Variants in PTPRM observed in about 807,000 individuals in gnomAD.
PTPRM encodes the protein receptor-type tyrosine-protein phosphatase mu.
Under a neutral mutation model 186.7 loss-of-function variants are expected in PTPRM, and 47 were observed. The ratio of observed to expected loss-of-function variants is 0.25; its 90% confidence interval spans 0.20 to 0.32. The LOEUF is 0.32. Ranked by LOEUF, PTPRM falls within the 10% of genes least tolerant of loss-of-function variation. The pLI, the probability that PTPRM is intolerant of heterozygous loss-of-function variation, is 1.00. For missense variants in PTPRM, 1,494 were observed against 1,865.0 expected, an observed-to-expected ratio of 0.80 and a Z score of 3.66; for synonymous variants, 668 against 674.9, an observed-to-expected ratio of 0.99 and a Z score of 0.16.
At chr18:7,808,957 T>C (rs1216954766) in intron 2 of PTPRM, among the ~76,000 whole-genome samples, 2 of 152,180 alleles carry the variant, frequency 1.3e-5, no homozygotes, top group African/African-American at 2.4e-5. Context: ...TTCCAGATTT[T>C]AACAACAACA....
At position 8,306,502 on chromosome 18, in the gene PTPRM, T is replaced by C. The variant is rs115770264; in HGVS notation, c.2843-8279T>C. 6.4e-3 allele frequency among the ~76,000 whole-genome samples: 980 copies of C among 152,306 alleles called. 6 individuals are homozygous for C. The highest frequency in any genetic ancestry group is 0.02 in the African/African-American group (848 of 41,576). Reference sequence around the variant, plus strand: ...CTGGCAGAGAAATACAGATGGTAATTAAAAACTACAGCTCAGGTCTTCTCA... The same window carrying C: ...CTGGCAGAGAAATACAGATGGTAATCAAAAACTACAGCTCAGGTCTTCTCA... On this transcript the variant is annotated intron_variant, in intron 20 of 32. Coordinates refer to ENST00000580170, the MANE Select transcript of PTPRM (RefSeq NM_001105244.2).
At chr18:7,837,703 A>G (rs2046122001) in intron 2 of PTPRM, among the ~76,000 whole-genome samples, 1 of 152,174 alleles carries the variant, frequency 6.6e-6, no homozygotes, top group South Asian at 2.1e-4. Context: ...TCAGCCTCCC[A>G]AAGTGCTAGG....
chr18:8,286,190 G>A (rs1236525042), intron 19 of PTPRM, among the ~76,000 whole-genome samples: 1 of 152,074 alleles, frequency 6.6e-6, no homozygotes, highest in Admixed American at 6.6e-5. Flanking sequence ...TTGCCTCTAG[G>A]GATTCTCATT....
At chr18:7,601,046 A>C (rs1450884110) in intron 1 of PTPRM, among the ~76,000 whole-genome samples, 1 of 152,194 alleles carries the variant, frequency 6.6e-6, no homozygotes, top group Non-Finnish European at 1.5e-5. Flanking sequence ...CTGTTGGTTC[A>C]AGATCCTGCA....
intron 31 of PTPRM, among the ~76,000 whole-genome samples, chr18:8,392,693 C>T (rs755599904): frequency 3.3e-5 from 5 of 151,432 alleles, no homozygotes; most frequent in Admixed American, 6.6e-5. Context: ...AGGGATAGTG[C>T]GGGATGAGCC....
At chr18:8,156,120 G>C (rs1042686364) in intron 14 of PTPRM, among the ~76,000 whole-genome samples, 2 of 152,186 alleles carry the variant, frequency 1.3e-5, no homozygotes, top group African/African-American at 4.8e-5. Flanking sequence ...GAATAGGGTT[G>C]AGGTACAAGG....
chr18:8,213,030 G>T (rs538667916), intron 14 of PTPRM, among the ~76,000 whole-genome samples: 1 of 152,208 alleles, frequency 6.6e-6, no homozygotes, highest in African/African-American at 2.4e-5. Context: ...GTTTAGTCTG[G>T]GTTCCTGCCA....
chr18:8,229,822 G>GTT (rs1006480497), intron 14 of PTPRM, among the ~76,000 whole-genome samples: 4 of 152,068 alleles, frequency 2.6e-5, no homozygotes, highest in Non-Finnish European at 1.5e-5. Flanking sequence ...AGTACACATG[G>GTT]TTATATATAT....
At chr18:7,937,105 C>A (rs758265649) in intron 5 of PTPRM, among the ~76,000 whole-genome samples, 39 of 152,190 alleles carry the variant, frequency 2.6e-4, no homozygotes, top group Non-Finnish European at 1.9e-4. Context: ...GTCTGCATAC[C>A]TCATTCTTCC....
At chr18:8,235,875 A>G (rs1601390367) in intron 14 of PTPRM, among the ~76,000 whole-genome samples, 1 of 151,734 alleles carries the variant, frequency 6.6e-6, no homozygotes, top group East Asian at 1.9e-4. Context: ...AGTATTAGGG[A>G]TTTTTCCAGC....
intron 3 of PTPRM, among the ~76,000 whole-genome samples, chr18:7,897,475 G>A (rs924808798): frequency 9.2e-5 from 14 of 152,052 alleles, no homozygotes; most frequent in Non-Finnish European, 1.8e-4. Context: ...AGTAGGTGCC[G>A]CAATACTCTG....
chr18:7,849,723 G>C (rs905553299), intron 2 of PTPRM, among the ~76,000 whole-genome samples: 1 of 152,200 alleles, frequency 6.6e-6, no homozygotes, highest in African/African-American at 2.4e-5. Flanking sequence ...GAATGGACCA[G>C]TTGTGCTGCA....
At chr18:8,364,143 C>T (rs1304415226) in intron 23 of PTPRM, among the ~76,000 whole-genome samples, 1 of 152,162 alleles carries the variant, frequency 6.6e-6, no homozygotes, top group African/African-American at 2.4e-5. Context: ...GAAGGTCCCC[C>T]TTCCAAATAA....
chr18:7,733,520 A>G (rs779867684), intron 1 of PTPRM, among the ~76,000 whole-genome samples: 2 of 152,082 alleles, frequency 1.3e-5, no homozygotes, highest in African/African-American at 2.4e-5. Flanking sequence ...AGTCTTTGCT[A>G]TTGTAAATAG....
Position 8,372,056 on chromosome 18 carries a change from C to CTTTTTTTTTT in PTPRM, c.3171+1067_3171+1076dup, listed in dbSNP as rs557766971. 6.8e-5 allele frequency among the ~76,000 whole-genome samples: 4 copies of CTTTTTTTTTT among 59,068 alleles called. 1 individual carries two copies. The highest frequency in any genetic ancestry group is 1.5e-4 in the Non-Finnish European group (4 of 26,310). 38.8% of individuals were successfully genotyped at this position (59,068 alleles called of 152,430 possible). A position where few individuals can be genotyped will look rare whatever the true frequency, so the allele number is the denominator to read the frequency against. On this transcript the variant is annotated intron_variant, in intron 24 of 32. Coordinates refer to ENST00000580170, the MANE Select transcript of PTPRM (RefSeq NM_001105244.2). Reference sequence around the variant, plus strand: ...TTGGCCTTCCTCTCCACTCTATATTCTTTTTTTTTTTTTTTTTTTTTTTTT... The same window carrying CTTTTTTTTTT: ...TTGGCCTTCCTCTCCACTCTATATTCTTTTTTTTTTTTTTTTTTTTTTTTTTTTTTTTTTT...
In PTPRM at chr18:7,820,118, C is replaced by G. The variant is rs182804550; in HGVS notation, c.196+45847C>G. Reference sequence around the variant, plus strand: ...GGGAAAGACATGGAGGGGTCTCTTACAAGACCTCTTGTTGTGCCTGCCTGT... The same window carrying G: ...GGGAAAGACATGGAGGGGTCTCTTAGAAGACCTCTTGTTGTGCCTGCCTGT... On this transcript the variant is annotated intron_variant, in intron 2 of 32. Transcript: ENST00000580170. Among the ~76,000 whole-genome samples, 584 of 150,060 alleles carry G rather than the reference C, an allele frequency of 3.9e-3. 5 individuals carry two copies. The highest frequency in any genetic ancestry group is 0.013 in the African/African-American group (527 of 40,418).
At chr18:8,107,303 T>C (rs1183035901) in intron 11 of PTPRM, among the ~76,000 whole-genome samples, 3 of 152,186 alleles carry the variant, frequency 2.0e-5, no homozygotes, top group Non-Finnish European at 4.4e-5. Context: ...GTTGTGAAGA[T>C]TAATGATAGG....
intron 23 of PTPRM, among the ~76,000 whole-genome samples, chr18:8,344,452 A>C (rs1295973655): frequency 3.2e-5 from 2 of 62,444 alleles, no homozygotes; most frequent in Non-Finnish European, 8.1e-5. Context: ...GTGTGTGTAT[A>C]TATATATATA....
rs552080488 is a variant in PTPRM at position 8,245,998 on chromosome 18, T to C, written c.2452+1789T>C. 3.9e-5 allele frequency among the ~76,000 whole-genome samples: 6 copies of C among 152,316 alleles called. 1 individual carries two copies. The highest frequency in any genetic ancestry group is 3.9e-4 in the Admixed American group (6 of 15,294). On this transcript the variant is annotated intron_variant, in intron 15 of 32. Coordinates refer to ENST00000580170, the MANE Select transcript of PTPRM (RefSeq NM_001105244.2). ...ACAACTGATCGGCTATTAGACGTTA[T>C]TTTTTGCCTTCCTTCAATAAAGCCA...
Sources: gnomAD v4.1 joint callset for allele counts (sites outside exome capture counted in the v4.1 genomes callset) on GRCh38, gnomAD v4.1.1 for gene constraint, MANE v1.5 for transcripts, NCBI Gene and HGNC (gene_info 2026-07-23, HGNC 2026-07-21) for gene names.